Variants in ADAMTS16 observed in about 807,000 individuals in gnomAD.
The protein encoded by ADAMTS16 is A disintegrin and metalloproteinase with thrombospondin motifs 16.
In ADAMTS16, 94 loss-of-function variants were observed where a neutral mutation model predicts 145.8. The observed-to-expected ratio is 0.64, with a 90% CI of 0.55 to 0.77. The LOEUF (loss-of-function observed/expected upper bound fraction) is 0.77, where lower values mean the gene tolerates loss of function less well. ADAMTS16 is among the 30% of genes least tolerant of loss of function. ADAMTS16 has a pLI of 0.00. For synonymous variants in ADAMTS16, 659 were observed against 604.3 expected (o/e 1.09, Z -1.33); for missense variants, 1,585 against 1,591.5 (o/e 1.00, Z 0.07).
chr5:5,305,541 TAC>T lies in ADAMTS16; in HGVS notation c.3187-944_3187-943del, dbSNP rs113675807. Among the ~76,000 whole-genome samples, 190 of 115,412 alleles carry T rather than the reference TAC, an allele frequency of 1.6e-3. 3 individuals carry two copies. The East Asian group carries it at 0.04, about 24-fold the overall frequency. 75.7% of individuals were successfully genotyped at this position (115,412 alleles called of 152,430 possible). On this transcript the variant is annotated intron_variant, in intron 20 of 22. Coordinates refer to ENST00000274181, the MANE Select transcript of ADAMTS16 (RefSeq NM_139056.4). ...CCACACACTCACACATCCCACACCA[TAC>T]ACACACACACACACACACGTCAGAG...
intron 3 of ADAMTS16, among the ~76,000 whole-genome samples, chr5:5,150,598 C>A (rs1212731354): frequency 1.3e-5 from 2 of 152,228 alleles, no homozygotes; most frequent in Non-Finnish European, 2.9e-5. Context: ...TTCTACACTT[C>A]AGTCATCACG....
At chr5:5,270,552 A>T (rs576311359) in intron 18 of ADAMTS16, among the ~76,000 whole-genome samples, 263 of 152,348 alleles carry the variant, frequency 1.7e-3, no homozygotes, top group Non-Finnish European at 3.2e-3. Context: ...AATTCACAAC[A>T]GTTATGAATT....
intron 2 of ADAMTS16, among the ~76,000 whole-genome samples, chr5:5,143,536 G>A (rs575775611): frequency 6.6e-6 from 1 of 152,296 alleles, no homozygotes; most frequent in South Asian, 2.1e-4. Flanking sequence ...TGGTGGGAGT[G>A]TAAATTAGTT....
At chr5:5,316,887 A>G (rs564262211) in intron 21 of ADAMTS16, among the ~76,000 whole-genome samples, 10 of 152,352 alleles carry the variant, frequency 6.6e-5, no homozygotes. Context: ...TCAGAGAACA[A>G]GCCTGGTATC....
At chr5:5,289,869 T>C (rs543805983) in intron 18 of ADAMTS16, among the ~76,000 whole-genome samples, 2 of 152,312 alleles carry the variant, frequency 1.3e-5, no homozygotes, top group South Asian at 4.1e-4. Context: ...TTGGGCTAGA[T>C]GAAAGCATCC....
At chr5:5,314,481 C>A (rs896238973) in intron 21 of ADAMTS16, among the ~76,000 whole-genome samples, 9 of 152,104 alleles carry the variant, frequency 5.9e-5, no homozygotes, top group Non-Finnish European at 1.2e-4. Flanking sequence ...TTTAAGCCAT[C>A]GTATTTGGGA....
chr5:5,242,354 G>T (rs1235340025), intron 17 of ADAMTS16, among the ~76,000 whole-genome samples, 163 bp downstream of exon 17: 2 of 152,202 alleles, frequency 1.3e-5, no homozygotes, highest in Non-Finnish European at 2.9e-5. Flanking sequence ...AGTGTCACTT[G>T]TCGGCCCGAG....
At chr5:5,285,000 T>C (rs984933844) in intron 18 of ADAMTS16, among the ~76,000 whole-genome samples, 2 of 152,214 alleles carry the variant, frequency 1.3e-5, no homozygotes, top group African/African-American at 4.8e-5. Flanking sequence ...GAATAGTGCT[T>C]TTGTTTTGGT....
At chr5:5,309,147 C>A (rs1740310363) in intron 21 of ADAMTS16, among the ~76,000 whole-genome samples, 2 of 152,070 alleles carry the variant, frequency 1.3e-5, no homozygotes, top group Non-Finnish European at 2.9e-5. Flanking sequence ...AATTGGATAC[C>A]AAAATCTGAG....
At chr5:5,291,830 GA>G (rs1385094519) in intron 18 of ADAMTS16, among the ~76,000 whole-genome samples, 2 of 152,210 alleles carry the variant, frequency 1.3e-5, no homozygotes, top group African/African-American at 4.8e-5. Context: ...CAAATCTGCT[GA>G]AACACAGGTA....
intron 3 of ADAMTS16, among the ~76,000 whole-genome samples, chr5:5,148,714 A>G (rs896717022): frequency 1.3e-5 from 2 of 152,232 alleles, no homozygotes; most frequent in African/African-American, 4.8e-5. Flanking sequence ...AACATAATAC[A>G]TTAAATCTCA....
intron 17 of ADAMTS16, among the ~76,000 whole-genome samples, chr5:5,245,412 G>A (rs1261177946): frequency 6.6e-6 from 1 of 152,152 alleles, no homozygotes; most frequent in Admixed American, 6.5e-5. Context: ...CTTAGAGGGT[G>A]AGGTCAATGC....
intron 21 of ADAMTS16, among the ~76,000 whole-genome samples, chr5:5,308,681 T>C (rs774533299): frequency 1.3e-5 from 2 of 152,024 alleles, no homozygotes; most frequent in African/African-American, 4.8e-5. Context: ...CAAAAGCAGA[T>C]AGGATCCCTG....
intron 8 of ADAMTS16, among the ~76,000 whole-genome samples, chr5:5,199,017 A>G (rs1273763271): frequency 6.6e-6 from 1 of 152,210 alleles, no homozygotes; most frequent in African/African-American, 2.4e-5. Context: ...ATTAATGGCA[A>G]TAGTGGCTTA....
intron 17 of ADAMTS16, among the ~76,000 whole-genome samples, chr5:5,250,071 G>A (rs1458151328): frequency 1.3e-5 from 2 of 152,138 alleles, no homozygotes; most frequent in African/African-American, 4.8e-5. Flanking sequence ...TGTGTCCACT[G>A]AGTCTGAGGT....
chr5:5,203,887 C>G (rs1187468248), intron 9 of ADAMTS16, among the ~76,000 whole-genome samples: 2 of 152,120 alleles, frequency 1.3e-5, no homozygotes, highest in South Asian at 2.1e-4. Context: ...GCGCCGTACC[C>G]CATACTACTT....
chr5:5,146,009 T>C (rs2126502412), intron 2 of ADAMTS16, 121 bp from the exon 3 acceptor site: 1 of 851,516 alleles, frequency 1.2e-6, no homozygotes, highest in African/African-American at 1.7e-5. Context: ...GTTGCATTTT[T>C]CTTCATCATT....
At chr5:5,233,434 G>A (rs1319960695) in intron 12 of ADAMTS16, among the ~76,000 whole-genome samples, 1 of 152,010 alleles carries the variant, frequency 6.6e-6, no homozygotes, top group Non-Finnish European at 1.5e-5. Flanking sequence ...TTATTTCATC[G>A]CCCAGGTATT....
intron 21 of ADAMTS16, 84 bp downstream of exon 21, chr5:5,306,812 G>A (rs75483865): frequency 1.1e-5 from 15 of 1,335,150 alleles, no homozygotes; most frequent in Middle Eastern, 2.6e-4. Context: ...ATGCTTCTGC[G>A]AGGGTGTTTT....
Sources: allele counts gnomAD v4.1 joint callset (sites outside exome capture counted in the v4.1 genomes callset), GRCh38; gene constraint gnomAD v4.1.1; transcripts MANE v1.5; gene names NCBI Gene and HGNC (gene_info 2026-07-23, HGNC 2026-07-21).